PRKCE: variants seen among roughly 807,000 people sequenced by gnomAD.
PRKCE encodes the protein protein kinase C epsilon type.
Under a neutral mutation model 85.4 loss-of-function variants are expected in PRKCE, and 16 were observed. The observed-to-expected ratio is 0.19, with a 90% CI of 0.13 to 0.28. The LOEUF (loss-of-function observed/expected upper bound fraction) is 0.28, where lower values mean the gene tolerates loss of function less well. PRKCE is among the 10% of genes least tolerant of loss of function. PRKCE has a pLI of 1.00. For missense variants in PRKCE, 573 were observed against 975.2 expected, an observed-to-expected ratio of 0.59 and a Z score of 5.49; for synonymous variants, 388 against 371.5, an observed-to-expected ratio of 1.04 and a Z score of -0.51.
At chr2:45,672,336 G>T (rs1045695000) in intron 1 of PRKCE, among the ~76,000 whole-genome samples, 1 of 148,752 alleles carries the variant, frequency 6.7e-6, no homozygotes, top group African/African-American at 2.5e-5. Flanking sequence ...CCATCAATTC[G>T]TCCATCCATC....
intron 2 of PRKCE, among the ~76,000 whole-genome samples, chr2:45,961,611 T>C (rs1701383188): frequency 6.6e-6 from 1 of 152,158 alleles, no homozygotes; most frequent in Non-Finnish European, 1.5e-5. Flanking sequence ...CAGGAGCAGC[T>C]TTAGCTGAGG....
intron 2 of PRKCE, among the ~76,000 whole-genome samples, chr2:45,940,677 A>T (rs933111860): frequency 6.6e-6 from 1 of 152,196 alleles, no homozygotes; most frequent in Non-Finnish European, 1.5e-5. Flanking sequence ...CACGTACCGC[A>T]TGCATGTCAC....
chr2:45,717,481 G>C (rs1233128108), intron 1 of PRKCE, among the ~76,000 whole-genome samples: 2 of 152,208 alleles, frequency 1.3e-5, no homozygotes, highest in African/African-American at 2.4e-5. Flanking sequence ...TACTTGCAAA[G>C]GAATCCTACA....
At chr2:45,677,676 T>G (rs1443793316) in intron 1 of PRKCE, among the ~76,000 whole-genome samples, 5 of 152,206 alleles carry the variant, frequency 3.3e-5, no homozygotes, top group Non-Finnish European at 5.9e-5. Flanking sequence ...TGTATCACCC[T>G]GTGGGATGGA....
intron 1 of PRKCE, among the ~76,000 whole-genome samples, chr2:45,694,950 G>A (rs1478554908): frequency 6.6e-6 from 1 of 152,140 alleles, no homozygotes; most frequent in Non-Finnish European, 1.5e-5. Flanking sequence ...TCGGTGTTTT[G>A]GAAAGAGACC....
At chr2:46,109,777 CAGATCTT>C (rs1338799660) in intron 11 of PRKCE, among the ~76,000 whole-genome samples, 6 of 152,056 alleles carry the variant, frequency 3.9e-5, no homozygotes, top group Non-Finnish European at 8.8e-5. Context: ...TTGTCTGTTA[CAGATCTT>C]AGTGGGAAAG....
In PRKCE at chr2:45,751,879, G is replaced by A. The variant is rs373880365; in HGVS notation, c.349-91121G>A. On this transcript the variant is annotated intron_variant, in intron 1 of 14. Transcript: ENST00000306156. The stretch of plus-strand genomic sequence containing the variant: ...GTCGCCCAGGCTGGAGTGCAGTGGC[G>A]GGATCTCGGCTCACTGCAAGCTCCG... 3.6e-5 allele frequency among the ~76,000 whole-genome samples: 5 copies of A among 139,388 alleles called. No individual in the cohort carries two copies. In the East Asian group the frequency reaches 6.0e-4, roughly 17 times the overall value. The allele number at this position is 139,388 out of a possible 152,430, so 91.4% of individuals were successfully genotyped here.
chr2:45,792,112 AT>A (rs531539891), intron 1 of PRKCE, among the ~76,000 whole-genome samples: 28 of 152,314 alleles, frequency 1.8e-4, no homozygotes, highest in Admixed American at 3.9e-4. Flanking sequence ...TGGTGCTGGC[AT>A]CTGCTTGGCA....
Position 45,978,962 on chromosome 2 carries a change from A to C in PRKCE, c.573-14A>C. 1 of 1,597,822 alleles carries C rather than the reference A, an allele frequency of 6.3e-7. No individual in the cohort carries two copies. ...ATTTCACTTTTTTTAAAAAAATGTT[A>C]TTCTTCTTTTCAGGGGTGTCATAGG... On this transcript the variant is annotated splice_polypyrimidine_tract_variant and intron_variant, in intron 3 of 14. Transcript: ENST00000306156.
chr2:46,110,183 T>G (rs2345958), intron 11 of PRKCE, among the ~76,000 whole-genome samples: 50,791 of 151,998 alleles, frequency 0.33, 8,600 homozygotes, highest in South Asian at 0.43. Context: ...GGTTTTAGTG[T>G]TAGGGTAATG....
chr2:45,919,822 A>G (rs964907617), intron 2 of PRKCE, among the ~76,000 whole-genome samples: 1 of 152,238 alleles, frequency 6.6e-6, no homozygotes, highest in Admixed American at 6.5e-5. Flanking sequence ...AGAAGGAAAT[A>G]AACATCAGAA....
chr2:45,718,497 A>G (rs12052912), intron 1 of PRKCE, among the ~76,000 whole-genome samples: 17,346 of 151,852 alleles, frequency 0.11, 1,098 homozygotes, highest in East Asian at 0.16. Context: ...GGCACGCACC[A>G]CTACACTCAG....
At chr2:45,930,918 T>C (rs1698997240) in intron 2 of PRKCE, among the ~76,000 whole-genome samples, 1 of 152,188 alleles carries the variant, frequency 6.6e-6, no homozygotes, top group Non-Finnish European at 1.5e-5. Context: ...TCAGATTGTA[T>C]GCCGGGTTTA....
At chr2:46,013,343 G>A (rs542420354) in intron 10 of PRKCE, among the ~76,000 whole-genome samples, 1 of 152,322 alleles carries the variant, frequency 6.6e-6, no homozygotes, top group Non-Finnish European at 1.5e-5. Flanking sequence ...ATAATAGATT[G>A]GGAGGTTATT....
chr2:45,971,206 C>T (rs1376165115), intron 2 of PRKCE, among the ~76,000 whole-genome samples: 1 of 152,188 alleles, frequency 6.6e-6, no homozygotes, highest in Admixed American at 6.5e-5. Flanking sequence ...CACCACCATT[C>T]TGCTCTCTTG....
At position 46,170,299 on chromosome 2, in the gene PRKCE, T is replaced by A. The variant is rs1338120609; in HGVS notation, c.2067+10547T>A. Among the ~76,000 whole-genome samples the A allele has an allele frequency of 1.1e-4, 16 of 152,324 alleles. No individual in the cohort carries two copies. In the South Asian group the frequency reaches 3.3e-3, roughly 32 times the overall value. On this transcript the variant is annotated intron_variant, in intron 14 of 14. Transcript: ENST00000306156. ...ATAAATGGAGCCACATAGCATGTAC[T>A]TTTTTTGTGTCTGCCTTCTTTCACT...
At chr2:45,726,005 T>C (rs1573081346) in intron 1 of PRKCE, among the ~76,000 whole-genome samples, 1 of 152,220 alleles carries the variant, frequency 6.6e-6, no homozygotes, top group East Asian at 1.9e-4. Flanking sequence ...GTGGTAGAAA[T>C]AGCAAGAGAA....
intron 5 of PRKCE, among the ~76,000 whole-genome samples, chr2:45,982,182 C>T (rs1702942103): frequency 6.6e-6 from 1 of 152,244 alleles, no homozygotes; most frequent in Non-Finnish European, 1.5e-5. Context: ...AGGCCAGTCT[C>T]CCTTAGTGTC....
At chr2:46,056,779 C>T (rs557166453) in intron 10 of PRKCE, among the ~76,000 whole-genome samples, 2 of 152,262 alleles carry the variant, frequency 1.3e-5, no homozygotes, top group Middle Eastern at 3.4e-3. Flanking sequence ...TAAAGAGAGC[C>T]TTCAAACTTT....
Sources: gnomAD v4.1 joint callset for allele counts (sites outside exome capture counted in the v4.1 genomes callset) on GRCh38, gnomAD v4.1.1 for gene constraint, MANE v1.5 for transcripts, NCBI Gene and HGNC (gene_info 2026-07-23, HGNC 2026-07-21) for gene names.